ANKS1B: variants seen among roughly 807,000 people sequenced by gnomAD.
ANKS1B encodes the protein ankyrin repeat and sterile alpha motif domain-containing protein 1B.
A neutral mutation model predicts 148.3 loss-of-function variants in ANKS1B; 36 were observed. The ratio of observed to expected loss-of-function variants is 0.24; its 90% confidence interval spans 0.19 to 0.32. ANKS1B has a LOEUF of 0.32. Among genes scored for constraint, ANKS1B ranks in the 10% least tolerant of loss-of-function variants. The pLI is 1.00. For synonymous variants in ANKS1B, 542 were observed against 560.8 expected, an observed-to-expected ratio of 0.97 and a Z score of 0.47; for missense variants, 1,157 against 1,542.6, an observed-to-expected ratio of 0.75 and a Z score of 4.19.
chr12:99,467,549 C>T (rs1430283872), intron 10 of ANKS1B, among the ~76,000 whole-genome samples: 2 of 152,174 alleles, frequency 1.3e-5, no homozygotes, highest in Non-Finnish European at 2.9e-5. Flanking sequence ...CCCACTGTCT[C>T]AGCCCAAAAT....
exon 10 of ANKS1B, chr12:98,735,546 T>C (rs771186518): frequency 1.3e-6 from 1 of 763,472 alleles, no homozygotes; most frequent in East Asian, 2.4e-5. Flanking sequence ...CAGCTATATG[T>C]AAATTCAATT....
At chr12:98,776,420 A>T (rs2098675668) in intron 24 of ANKS1B, among the ~76,000 whole-genome samples, 1 of 152,234 alleles carries the variant, frequency 6.6e-6, no homozygotes, top group Non-Finnish European at 1.5e-5. Context: ...TAAAAGGCTC[A>T]AGAGAAGAAC....
At chr12:99,655,288 ATGACAGTGGTATATCTCG>A in intron 8 of ANKS1B, 78 bp from the exon 9 acceptor site, 1 of 1,305,888 alleles carries the variant, frequency 7.7e-7, no homozygotes, top group South Asian at 1.6e-5. Context: ...AATTCTATAA[ATGACAGTGGTATATCTCG>A]GCAAACAAGT....
intron 10 of ANKS1B, among the ~76,000 whole-genome samples, chr12:99,497,017 G>C (rs1360206658): frequency 6.6e-6 from 1 of 152,098 alleles, no homozygotes; most frequent in Non-Finnish European, 1.5e-5. Context: ...ACCTAGGGGT[G>C]CTTCAACAAA....
At chr12:98,964,837 G>A (rs986478604) in intron 17 of ANKS1B, among the ~76,000 whole-genome samples, 4 of 152,000 alleles carry the variant, frequency 2.6e-5, no homozygotes, top group Admixed American at 2.0e-4. Flanking sequence ...GGGAAGGGAC[G>A]GTGAGACAGT....
chr12:99,151,319 G>A (rs1263527544), intron 15 of ANKS1B, among the ~76,000 whole-genome samples: 4 of 152,094 alleles, frequency 2.6e-5, no homozygotes, highest in African/African-American at 9.7e-5. Flanking sequence ...TTTAAGATCA[G>A]GAGTTCTAGA....
At chr12:98,896,429 C>T (rs2099764695) in intron 17 of ANKS1B, among the ~76,000 whole-genome samples, 1 of 152,196 alleles carries the variant, frequency 6.6e-6, no homozygotes. Flanking sequence ...ATATTATCCT[C>T]ACTTTACAGA....
intron 17 of ANKS1B, among the ~76,000 whole-genome samples, chr12:99,022,215 C>A (rs554253626): frequency 1.3e-5 from 2 of 152,112 alleles, no homozygotes; most frequent in East Asian, 3.8e-4. Context: ...TATTGCTATA[C>A]CTATTCCATA....
At chr12:98,896,653 T>C (rs1484929972) in intron 17 of ANKS1B, among the ~76,000 whole-genome samples, 1 of 152,226 alleles carries the variant, frequency 6.6e-6, no homozygotes, top group Non-Finnish European at 1.5e-5. Context: ...TTGCTATACA[T>C]GTAACATGTA....
intron 22 of ANKS1B, among the ~76,000 whole-genome samples, chr12:98,785,080 G>A (rs1301096495): frequency 4.6e-5 from 7 of 152,210 alleles, no homozygotes; most frequent in Admixed American, 1.3e-4. Flanking sequence ...AGGATCCATC[G>A]TCTTTTAAAG....
At chr12:99,361,636 G>A (rs2092470632) in intron 12 of ANKS1B, among the ~76,000 whole-genome samples, 2 of 152,028 alleles carry the variant, frequency 1.3e-5, no homozygotes, top group Non-Finnish European at 2.9e-5. Flanking sequence ...ATATGATATG[G>A]TTAATAAACT....
At chr12:99,837,457 T>C (rs2085036685) in intron 1 of ANKS1B, among the ~76,000 whole-genome samples, 2 of 152,102 alleles carry the variant, frequency 1.3e-5, no homozygotes, top group Admixed American at 1.3e-4. Flanking sequence ...ACTTGGGAAT[T>C]TAAGGTAGCA....
chr12:99,961,449 G>A (rs2095411627), intron 1 of ANKS1B, among the ~76,000 whole-genome samples: 1 of 152,100 alleles, frequency 6.6e-6, no homozygotes, highest in South Asian at 2.1e-4. Context: ...ATGAGGTGGG[G>A]CTCAAGGAGA....
At chr12:98,845,645 G>A (rs921606044) in intron 17 of ANKS1B, among the ~76,000 whole-genome samples, 1 of 151,816 alleles carries the variant, frequency 6.6e-6, no homozygotes, top group Non-Finnish European at 1.5e-5. Context: ...AGGAAGTCCA[G>A]CCTGGAAAAG....
chr12:99,243,799 T>G (rs2153967365), intron 14 of ANKS1B, among the ~76,000 whole-genome samples: 1 of 152,170 alleles, frequency 6.6e-6, no homozygotes, highest in South Asian at 2.1e-4. Flanking sequence ...CACCACATGT[T>G]CTCACTCATA....
chr12:98,897,432 C>G (rs139245953), intron 17 of ANKS1B, among the ~76,000 whole-genome samples: 1 of 151,566 alleles, frequency 6.6e-6, no homozygotes, highest in East Asian at 1.9e-4. Flanking sequence ...ATTTCTCAAA[C>G]GAAGACATAC....
At chr12:99,896,160 T>A (rs1302063008) in intron 1 of ANKS1B, among the ~76,000 whole-genome samples, 1 of 151,210 alleles carries the variant, frequency 6.6e-6, no homozygotes, top group Non-Finnish European at 1.5e-5. Flanking sequence ...ACAGTCCTCA[T>A]GCTATACAGT....
chr12:99,459,385 CAT>C (rs1439753264), intron 10 of ANKS1B, among the ~76,000 whole-genome samples: 1 of 151,996 alleles, frequency 6.6e-6, no homozygotes, highest in African/African-American at 2.4e-5. Context: ...TTCTATTAAA[CAT>C]AGTACTGGAA....
At chr12:99,199,245 C>A (rs2081762010) in intron 14 of ANKS1B, among the ~76,000 whole-genome samples, 2 of 152,284 alleles carry the variant, frequency 1.3e-5, no homozygotes, top group South Asian at 4.1e-4. Context: ...CTATTACTGT[C>A]TTAAGTCATG....
Sources: allele counts gnomAD v4.1 joint callset (sites outside exome capture counted in the v4.1 genomes callset), GRCh38; gene constraint gnomAD v4.1.1; transcripts MANE v1.5; gene names NCBI Gene and HGNC (gene_info 2026-07-23, HGNC 2026-07-21).